Variants in EXT1 observed in about 807,000 individuals in gnomAD.
EXT1 encodes exostosin-1.
In EXT1, 20 loss-of-function variants were observed where a neutral mutation model predicts 82.5. The ratio of observed to expected loss-of-function variants is 0.24; its 90% CI spans 0.17 to 0.35. The LOEUF is 0.35. Ranked by LOEUF, EXT1 falls within the 10% of genes least tolerant of loss-of-function variation. The pLI, the probability that EXT1 is intolerant of heterozygous loss-of-function variation, is 1.00. For missense variants in EXT1, 757 were observed against 936.5 expected (o/e 0.81, Z 2.50); for synonymous variants, 348 against 350.8 (o/e 0.99, Z 0.09).
intron 1 of EXT1, among the ~76,000 whole-genome samples, chr8:118,032,051 T>C (rs1264475674): frequency 2.0e-5 from 3 of 150,668 alleles, no homozygotes; most frequent in African/African-American, 4.9e-5. Context: ...GGCTGAGCAA[T>C]TGGGTTGAGA....
chr8:118,034,331 T>G (rs1402122352), intron 1 of EXT1, among the ~76,000 whole-genome samples: 1 of 152,168 alleles, frequency 6.6e-6, no homozygotes, highest in Non-Finnish European at 1.5e-5. Flanking sequence ...ACATGTTTCC[T>G]TGGTTACCAA....
chr8:117,867,743 G>A (rs1002056575), intron 1 of EXT1, among the ~76,000 whole-genome samples: 2 of 152,170 alleles, frequency 1.3e-5, no homozygotes, highest in African/African-American at 4.8e-5. Context: ...CTCTTTTGCA[G>A]TTCGGAGGCT....
intron 1 of EXT1, among the ~76,000 whole-genome samples, chr8:117,907,568 G>A (rs890278012): frequency 6.6e-6 from 1 of 152,172 alleles, no homozygotes; most frequent in Non-Finnish European, 1.5e-5. Flanking sequence ...CTTAAAAATG[G>A]AAAGTTCCAT....
At chr8:118,006,389 T>C (rs1224640492) in intron 1 of EXT1, among the ~76,000 whole-genome samples, 1 of 151,776 alleles carries the variant, frequency 6.6e-6, no homozygotes, top group African/African-American at 2.4e-5. Context: ...ACTAAAGGAG[T>C]ATAGTGTTTG....
In EXT1 at chr8:117,881,690, G is replaced by A. The variant is rs558945828; in HGVS notation, c.963-44489C>T. Among the ~76,000 whole-genome samples, 267 of 152,252 alleles carry A rather than the reference G, an allele frequency of 1.8e-3. 2 individuals carry two copies. Among genetic ancestry groups the A allele is most frequent in the African/African-American group, 5.7e-3 (237 of 41,550 alleles). ...GGGAAACTCCAAACACAACTAAGCC[G>A]GCTGGTCTGCAAAAACTCAAGTCAC... On this transcript the variant is annotated intron_variant, in intron 1 of 10. Coordinates refer to ENST00000378204, the MANE Select transcript of EXT1 (RefSeq NM_000127.3).
rs1350401535 is a variant in EXT1 at position 117,963,003 on chromosome 8, A to G, written c.963-125802T>C. On this transcript the variant is annotated intron_variant, in intron 1 of 10. Coordinates refer to ENST00000378204, the MANE Select transcript of EXT1 (RefSeq NM_000127.3). ...CTGAATGTGTGTTCCAAGGTAGGAA[A>G]CTGGACATGACAAATCTGGAGAGTC... 2.6e-5 allele frequency among the ~76,000 whole-genome samples: 4 copies of G among 152,144 alleles called. No homozygotes were observed. The East Asian group carries it at 7.7e-4, about 29-fold the overall frequency.
intron 1 of EXT1, among the ~76,000 whole-genome samples, chr8:117,888,324 A>T (rs1813183826): frequency 6.6e-6 from 1 of 152,046 alleles, no homozygotes; most frequent in African/African-American, 2.4e-5. Context: ...ATAATAATAG[A>T]TTAAATAAAA....
intron 3 of EXT1, among the ~76,000 whole-genome samples, chr8:117,832,157 G>A (rs530838125): frequency 6.0e-4 from 91 of 152,262 alleles, no homozygotes; most frequent in Non-Finnish European, 9.6e-4. Flanking sequence ...TCTTCTAAAT[G>A]TCAAGAGGTA....
chr8:117,891,800 TCTTG>T (rs1349566093), intron 1 of EXT1, among the ~76,000 whole-genome samples: 1 of 141,768 alleles, frequency 7.1e-6, no homozygotes, highest in Non-Finnish European at 1.5e-5. Context: ...TTTTCTTTTT[TCTTG>T]CTTTTTTTTT....
chr8:117,977,054 T>C (rs1443600953), intron 1 of EXT1, among the ~76,000 whole-genome samples: 1 of 152,114 alleles, frequency 6.6e-6, no homozygotes, highest in Non-Finnish European at 1.5e-5. Flanking sequence ...TGTTAAGGCT[T>C]ATATGAGGAC....
At chr8:117,810,350 G>C (rs1314921058) in intron 8 of EXT1, among the ~76,000 whole-genome samples, 6 of 152,128 alleles carry the variant, frequency 3.9e-5, no homozygotes, top group Non-Finnish European at 5.9e-5. Context: ...GACCATTTTA[G>C]GCAACACAAC....
chr8:117,914,685 T>C (rs1813713238), intron 1 of EXT1, among the ~76,000 whole-genome samples: 1 of 152,134 alleles, frequency 6.6e-6, no homozygotes, highest in Non-Finnish European at 1.5e-5. Flanking sequence ...TATGCCCTGG[T>C]CTCTGGCAGT....
At position 118,104,740 on chromosome 8, in the gene EXT1, A is replaced by G. The variant is rs946984198; in HGVS notation, c.962+5345T>C. On this transcript the variant is annotated intron_variant, in intron 1 of 10. Coordinates refer to ENST00000378204, the MANE Select transcript of EXT1 (RefSeq NM_000127.3). ...ATCCGAAATCCAAAATGCTCATGTC[A>G]GTGGTCAAAAGTTTCAGATTTTGGA... Among the ~76,000 whole-genome samples, 5 of 152,346 alleles carry G rather than the reference A, an allele frequency of 3.3e-5. No homozygotes were observed. In the East Asian group the frequency reaches 9.6e-4, roughly 29 times the overall value.
intron 1 of EXT1, among the ~76,000 whole-genome samples, chr8:117,957,338 G>T (rs977925175): frequency 6.6e-6 from 1 of 152,198 alleles, no homozygotes; most frequent in Non-Finnish European, 1.5e-5. Context: ...TGCAACCAGC[G>T]AAACAGTGCT....
intron 1 of EXT1, among the ~76,000 whole-genome samples, chr8:118,053,206 T>A (rs1251714483): frequency 6.6e-6 from 1 of 152,116 alleles, no homozygotes; most frequent in Non-Finnish European, 1.5e-5. Context: ...GTCTCAAGTG[T>A]CACTGAAAAG....
intron 1 of EXT1, among the ~76,000 whole-genome samples, chr8:117,981,394 A>T (rs2129767289): frequency 6.6e-6 from 1 of 152,348 alleles, no homozygotes; most frequent in East Asian, 1.9e-4. Context: ...TTTGGCAAGA[A>T]CTATTTTAGG....
intron 1 of EXT1, among the ~76,000 whole-genome samples, chr8:117,939,125 G>T (rs1814225026): frequency 6.6e-6 from 1 of 151,796 alleles, no homozygotes; most frequent in Non-Finnish European, 1.5e-5. Context: ...TCCATGGACT[G>T]TCCCCCAGCC....
chr8:117,868,739 G>A (rs1024615101), intron 1 of EXT1, among the ~76,000 whole-genome samples: 5 of 152,114 alleles, frequency 3.3e-5, no homozygotes, highest in African/African-American at 1.2e-4. Flanking sequence ...CATGAGACAA[G>A]TCAGTGCCGG....
chr8:117,956,478 CACTCT>C (rs759813363), intron 1 of EXT1, among the ~76,000 whole-genome samples: 19 of 152,254 alleles, frequency 1.2e-4, no homozygotes, highest in Non-Finnish European at 2.1e-4. Context: ...GAGACAGTCT[CACTCT>C]GTCGCCCAGG....
Sources: allele counts gnomAD v4.1 joint callset (sites outside exome capture counted in the v4.1 genomes callset), GRCh38; gene constraint gnomAD v4.1.1; transcripts MANE v1.5; gene names NCBI Gene and HGNC (gene_info 2026-07-23, HGNC 2026-07-21).